LYSMD2: variants seen among roughly 807,000 people sequenced by gnomAD.
LYSMD2 encodes the protein lysM and putative peptidoglycan-binding domain-containing protein 2.
A neutral mutation model predicts 17.7 loss-of-function variants in LYSMD2; 6 were observed. The ratio of observed to expected loss-of-function variants is 0.34; its 90% CI spans 0.19 to 0.67. LYSMD2 has a LOEUF of 0.67. Among genes scored for constraint, LYSMD2 ranks in the 30% least tolerant of loss-of-function variants. LYSMD2 has a pLI of 0.69. For missense variants in LYSMD2, 237 were observed against 286.7 expected (o/e 0.83, Z 1.25); for synonymous variants, 102 against 129.8 (o/e 0.79, Z 1.45).
Position 51,737,347 on chromosome 15 carries a change from C to T in LYSMD2, c.273+3G>A, listed in dbSNP as rs545931705. ...CCGGGCCGCGGCGGCGCGCCCTGCT[C>T]ACCGTGACACCGTACTTGAGCGCGA... On this transcript the variant is annotated splice_donor_region_variant and intron_variant, in intron 1 of 2. Transcript: ENST00000267838. This position sits in a 1 kb window ranked among gnomAD's most constrained non-coding sequence, Gnocchi z 4.2. The T allele has an allele frequency of 1.4e-4, 196 of 1,401,328 alleles. No homozygotes were observed. Among genetic ancestry groups the T allele is most frequent in the Non-Finnish European group, 1.6e-4 (177 of 1,079,054 alleles). 86.8% of individuals were successfully genotyped at this position (1,401,328 alleles called of 1,614,324 possible).
At chr15:51,747,346 C>A (rs573422372) in intron 1 of LYSMD2, among the ~76,000 whole-genome samples, 105 of 152,144 alleles carry the variant, frequency 6.9e-4, no homozygotes, top group Non-Finnish European at 1.4e-3. Flanking sequence ...ACAAAATTAG[C>A]CAGGCGTGGT....
chr15:51,748,100 G>A (rs1039416144), intron 1 of LYSMD2, among the ~76,000 whole-genome samples: 7 of 151,920 alleles, frequency 4.6e-5, no homozygotes, highest in Middle Eastern at 3.4e-3. Flanking sequence ...GTGAAACCCC[G>A]TCTCTACTAA....
chr15:51,746,716 T>C (rs1055691506), intron 1 of LYSMD2, among the ~76,000 whole-genome samples: 6 of 152,132 alleles, frequency 3.9e-5, no homozygotes, highest in African/African-American at 1.4e-4. Flanking sequence ...TGGCCAATCA[T>C]TTCATCTATA....
At position 51,737,234 on chromosome 15, in the gene LYSMD2, T is replaced by TG; in HGVS notation, c.273+115_273+116insC. On this transcript the variant is annotated intron_variant, in intron 1 of 2. Coordinates refer to ENST00000267838, the MANE Select transcript of LYSMD2 (RefSeq NM_153374.3). The surrounding 1 kb of genome is among the most constrained non-coding windows in gnomAD (Gnocchi z 4.2). ...GGGGACGCACGGCCGTCCCTGCGAC[T>TG]CCCCATCCCCCAAACCCCCACCCGC... is the stretch of plus-strand genomic sequence containing the variant. 1.6e-6 allele frequency: 1 copy of TG among 606,920 alleles called. No homozygotes were observed. The allele number at this position is 606,920 out of a possible 1,614,324, so 37.6% of individuals were successfully genotyped here.
chr15:51,751,126 T>G (rs746388723), intron 1 of LYSMD2: 41 of 583,992 alleles, frequency 7.0e-5, no homozygotes, highest in Non-Finnish European at 1.1e-4. Context: ...GCGCTTGGGC[T>G]CTCCAGCCCC....
At chr15:51,737,877 C>G (rs2055622941), upstream of LYSMD2, 1 of 269,084 alleles carries the variant, frequency 3.7e-6, no homozygotes. This position sits in a 1 kb window ranked among gnomAD's most constrained non-coding sequence, Gnocchi z 4.2. Flanking sequence ...CCGCCGCGGC[C>G]TGCCGGTACC....
upstream of LYSMD2, among the ~76,000 whole-genome samples, chr15:51,741,962 A>T (rs1440528665): frequency 6.7e-6 from 1 of 149,134 alleles, no homozygotes; most frequent in Non-Finnish European, 1.5e-5. Flanking sequence ...ATATATAAAT[A>T]ATATATATAT....
chr15:51,730,459 T>G (rs2055569545), intron 1 of LYSMD2, among the ~76,000 whole-genome samples: 1 of 152,238 alleles, frequency 6.6e-6, no homozygotes, highest in Admixed American at 6.5e-5. Context: ...AAGGCTGTAG[T>G]TAGCCAAGAT....
intron 1 of LYSMD2, among the ~76,000 whole-genome samples, chr15:51,735,185 A>T (rs990333179): frequency 6.6e-6 from 1 of 152,150 alleles, no homozygotes; most frequent in Non-Finnish European, 1.5e-5. Flanking sequence ...AAAAAAAAAA[A>T]AATCTGAAGA....
At chr15:51,740,828 TAAAAG>T (rs1319425924), upstream of LYSMD2, among the ~76,000 whole-genome samples, 1 of 151,062 alleles carries the variant, frequency 6.6e-6, no homozygotes, top group Non-Finnish European at 1.5e-5. Flanking sequence ...AGATAAAAAA[TAAAAG>T]AAAGAAAGAA....
intron 1 of LYSMD2, among the ~76,000 whole-genome samples, chr15:51,725,667 T>C (rs1187863195): frequency 2.0e-5 from 3 of 152,108 alleles, no homozygotes; most frequent in African/African-American, 7.2e-5. Context: ...TGAGAGCTTA[T>C]ATACCCACTC....
At chr15:51,728,673 C>G (rs879555966) in intron 1 of LYSMD2, among the ~76,000 whole-genome samples, 8 of 151,874 alleles carry the variant, frequency 5.3e-5, no homozygotes, top group Non-Finnish European at 1.0e-4. Context: ...AGTTCAAGAC[C>G]AGCCTAGCCA....
intron 1 of LYSMD2, among the ~76,000 whole-genome samples, chr15:51,751,103 T>C (rs569762302): frequency 5.3e-4 from 80 of 152,338 alleles, no homozygotes; most frequent in African/African-American, 1.8e-3. Context: ...CTCACCTCAG[T>C]GAAGCCGCCA....
intron 1 of LYSMD2, among the ~76,000 whole-genome samples, chr15:51,749,467 G>A (rs1185431305): frequency 3.3e-5 from 5 of 152,086 alleles, no homozygotes; most frequent in East Asian, 3.9e-4. Flanking sequence ...TTCGACTGCC[G>A]AACATGACTT....
At chr15:51,740,286 TA>T (rs376525783), upstream of LYSMD2, among the ~76,000 whole-genome samples, 1 of 151,956 alleles carries the variant, frequency 6.6e-6, no homozygotes. Context: ...TTTTTGTTTT[TA>T]AAAAAAAGAA....
upstream of LYSMD2, among the ~76,000 whole-genome samples, chr15:51,741,963 A>G (rs181654939): frequency 7.4e-5 from 11 of 148,964 alleles, no homozygotes; most frequent in East Asian, 2.1e-3. Flanking sequence ...TATATAAATA[A>G]TATATATATA....
chr15:51,737,265 C>CG lies in LYSMD2; in HGVS notation c.273+84_273+85insC. The CG allele has an allele frequency of 3.2e-6, 2 of 628,770 alleles. No individual in the cohort carries two copies. Among genetic ancestry groups the CG allele is most frequent in the Non-Finnish European group, 4.4e-6 (2 of 450,596 alleles). The allele number at this position is 628,770 out of a possible 1,614,324, so 38.9% of individuals were successfully genotyped here. On this transcript the variant is annotated intron_variant, in intron 1 of 2. Coordinates refer to ENST00000267838, the MANE Select transcript of LYSMD2 (RefSeq NM_153374.3). The surrounding 1 kb of genome is among the most constrained non-coding windows in gnomAD (Gnocchi z 4.2). ...TCCCCCAAACCCCCACCCGCAGTCC[C>CG]ACCCCCACCCCCACCGCACCCCGAG... is the stretch of plus-strand genomic sequence containing the variant.
At chr15:51,750,103 A>T (rs746672675) in intron 1 of LYSMD2, among the ~76,000 whole-genome samples, 2 of 152,208 alleles carry the variant, frequency 1.3e-5, no homozygotes, top group Non-Finnish European at 2.9e-5. Flanking sequence ...AAAGGGAGAC[A>T]GTGCTGGGGG....
rs772211432 is a variant in LYSMD2 at position 51,725,072 on chromosome 15, A to G, written c.323T>C (p.Phe108Ser). ...ANKLFTNDCI[F>S]LKKTLNIPVI... ...TGGGATGTTCAAAGTTTTCTTCAGA[A>G]ATATACAATCATTGGTAAACAGTTT... Residue 108 changes from phenylalanine to serine, a missense_variant, in exon 2 of 3, where the codon TTT becomes TCT. Phe to Ser is a radical substitution (Grantham distance 155). Transcript: ENST00000267838. The G allele has an allele frequency of 6.2e-7, 1 of 1,612,568 alleles. No individual in the cohort carries two copies. The highest frequency in any genetic ancestry group is 1.1e-5 in the South Asian group (1 of 90,992).
Sources: allele counts gnomAD v4.1 joint callset (sites outside exome capture counted in the v4.1 genomes callset), GRCh38; gene constraint gnomAD v4.1.1; non-coding constraint Gnocchi (gnomAD v3.1); transcripts MANE v1.5; gene names NCBI Gene and HGNC (gene_info 2026-07-23, HGNC 2026-07-21).